The following RNGTT variants were observed in gnomAD, a reference collection of about 807,000 sequenced individuals.
RNGTT encodes the protein RNA guanylyltransferase and 5'-phosphatase.
A neutral mutation model predicts 79.3 loss-of-function variants in RNGTT; 33 were observed. The observed-to-expected ratio is 0.42, with a 90% CI of 0.32 to 0.56. RNGTT has a LOEUF of 0.56. RNGTT is among the 20% of genes least tolerant of loss of function. RNGTT has a pLI of 0.17. For synonymous variants in RNGTT, 222 were observed against 235.9 expected, an observed-to-expected ratio of 0.94 and a Z score of 0.54; for missense variants, 497 against 739.1, an observed-to-expected ratio of 0.67 and a Z score of 3.80.
At chr6:88,697,695 A>G (rs867302918) in intron 13 of RNGTT, among the ~76,000 whole-genome samples, 8 of 151,446 alleles carry the variant, frequency 5.3e-5, no homozygotes, top group African/African-American at 1.5e-4. Context: ...CACTGTCTCT[A>G]CTAAAAATAC....
chr6:88,914,208 T>C (rs1011629651), intron 4 of RNGTT, among the ~76,000 whole-genome samples: 1 of 152,024 alleles, frequency 6.6e-6, no homozygotes, highest in Non-Finnish European at 1.5e-5. Flanking sequence ...GTCCATATTG[T>C]CCAAAGCAAT....
chr6:88,749,969 T>C (rs962505838), intron 13 of RNGTT, among the ~76,000 whole-genome samples: 14 of 152,166 alleles, frequency 9.2e-5, no homozygotes, highest in Non-Finnish European at 1.8e-4. Flanking sequence ...CACTTCAGTC[T>C]CTGCCTCCAT....
intron 13 of RNGTT, among the ~76,000 whole-genome samples, chr6:88,691,968 T>C (rs2756352): frequency 0.027 from 4,116 of 152,204 alleles, 183 homozygotes; most frequent in African/African-American, 0.094. Context: ...ATAAACATAA[T>C]ATAGAAACAA....
At chr6:88,785,491 G>A (rs9353613) in intron 12 of RNGTT, among the ~76,000 whole-genome samples, 20,742 of 149,984 alleles carry the variant, frequency 0.14, 1,531 homozygotes, top group Middle Eastern at 0.23. Context: ...GATGAACAAG[G>A]AAAAAAAAAT....
intron 11 of RNGTT, among the ~76,000 whole-genome samples, chr6:88,825,732 C>G (rs547768746): frequency 3.9e-5 from 6 of 152,186 alleles, no homozygotes; most frequent in Non-Finnish European, 8.8e-5. Flanking sequence ...AAATAGTTCA[C>G]TATTAGAGCT....
At chr6:88,804,963 A>G (rs1239736245) in intron 11 of RNGTT, among the ~76,000 whole-genome samples, 1 of 152,236 alleles carries the variant, frequency 6.6e-6, no homozygotes, top group Non-Finnish European at 1.5e-5. Context: ...ATCTATGTTC[A>G]TAATCTTAGA....
In RNGTT at chr6:88,906,382, C is replaced by T; in HGVS notation, c.426G>A (p.Val142=). ...RTGFLICAFL[V]EKMDWSIEAA... The stretch of plus-strand genomic sequence containing the variant: ...ACAAATACCTCCAATCCATTTTCTC[C>T]ACCAAAAAGGCACATATGAGGAAAC... Residue 142 remains valine (V), a synonymous_variant, in exon 5 of 16, where the codon GTG becomes GTA. Coordinates refer to ENST00000369485, the MANE Select transcript of RNGTT (RefSeq NM_003800.5). 1 of 1,596,726 alleles carries T rather than the reference C, an allele frequency of 6.3e-7. No individual in the cohort carries two copies. Among genetic ancestry groups the T allele is most frequent in the South Asian group, 1.1e-5 (1 of 87,066 alleles).
intron 11 of RNGTT, among the ~76,000 whole-genome samples, chr6:88,832,575 T>C (rs1225528519): frequency 6.6e-6 from 1 of 152,108 alleles, no homozygotes; most frequent in Non-Finnish European, 1.5e-5. Flanking sequence ...AAAGCCAAAA[T>C]TGACAAGTGG....
intron 12 of RNGTT, among the ~76,000 whole-genome samples, chr6:88,800,415 T>C (rs1582475492): frequency 6.6e-6 from 1 of 152,214 alleles, no homozygotes; most frequent in African/African-American, 2.4e-5. Context: ...CAGTATTTAA[T>C]ACACTGTGTT....
intron 14 of RNGTT, among the ~76,000 whole-genome samples, chr6:88,672,545 GAC>G (rs1774693831): frequency 6.6e-6 from 1 of 152,088 alleles, no homozygotes; most frequent in African/African-American, 2.4e-5. Flanking sequence ...GGACTCTGGG[GAC>G]TCAGGGGGAA....
chr6:88,764,832 G>A (rs1386280981), intron 13 of RNGTT, among the ~76,000 whole-genome samples: 3 of 152,114 alleles, frequency 2.0e-5, no homozygotes, highest in Non-Finnish European at 4.4e-5. Context: ...CAGTTTAGGA[G>A]AGTACCTATT....
chr6:88,689,065 G>A (rs1458501924), intron 13 of RNGTT, among the ~76,000 whole-genome samples: 2 of 152,156 alleles, frequency 1.3e-5, no homozygotes, highest in Non-Finnish European at 2.9e-5. Context: ...AGGTTTGGGG[G>A]GGAGTCAAAA....
intron 6 of RNGTT, among the ~76,000 whole-genome samples, chr6:88,903,353 C>T (rs1162446900): frequency 3.3e-5 from 5 of 152,104 alleles, no homozygotes; most frequent in Non-Finnish European, 5.9e-5. Flanking sequence ...ACACTCCTGC[C>T]TGAGCAACAG....
chr6:88,943,121 G>T (rs1784902170), intron 1 of RNGTT, among the ~76,000 whole-genome samples: 1 of 152,098 alleles, frequency 6.6e-6, no homozygotes, highest in Non-Finnish European at 1.5e-5. Context: ...ATGTGCTAAT[G>T]ACTTACAAAT....
chr6:88,917,225 T>C (rs1249788547), intron 4 of RNGTT, among the ~76,000 whole-genome samples: 1 of 152,174 alleles, frequency 6.6e-6, no homozygotes, highest in Non-Finnish European at 1.5e-5. Context: ...AAAACAACTA[T>C]CAATTGAGCC....
chr6:88,678,205 C>T (rs752288474), intron 14 of RNGTT, 148 bp downstream of exon 14: 5 of 1,290,796 alleles, frequency 3.9e-6, no homozygotes, highest in Non-Finnish European at 5.0e-6. Context: ...ATGGTCTCAA[C>T]CTCCTGGGCT....
At chr6:88,879,087 T>G (rs943386236) in intron 8 of RNGTT, among the ~76,000 whole-genome samples, 2 of 152,116 alleles carry the variant, frequency 1.3e-5, no homozygotes, top group Non-Finnish European at 2.9e-5. Context: ...CTGGGGTAAC[T>G]GCATGTTTCT....
chr6:88,682,510 C>T (rs1056153155), intron 13 of RNGTT, among the ~76,000 whole-genome samples: 1 of 152,200 alleles, frequency 6.6e-6, no homozygotes, highest in Admixed American at 6.5e-5. Flanking sequence ...ATAAGGTCTA[C>T]ATTACTCTTT....
intron 6 of RNGTT, among the ~76,000 whole-genome samples, chr6:88,895,249 GTGT>G (rs1783197664): frequency 6.6e-6 from 1 of 151,600 alleles, no homozygotes; most frequent in African/African-American, 2.4e-5. Flanking sequence ...GTGTGTGTGT[GTGT>G]GTGTGTGTGT....
Sources: allele counts gnomAD v4.1 joint callset (sites outside exome capture counted in the v4.1 genomes callset), GRCh38; gene constraint gnomAD v4.1.1; transcripts MANE v1.5; gene names NCBI Gene and HGNC (gene_info 2026-07-23, HGNC 2026-07-21).